Variants in HLCS observed in about 807,000 individuals in gnomAD.
HLCS encodes the protein holocarboxylase synthetase, also known as biotin--protein ligase.
HLCS carries 53 observed loss-of-function variants against 75.0 expected under a neutral mutation model. The ratio of observed to expected loss-of-function variants is 0.71; its 90% CI spans 0.57 to 0.89. The LOEUF (loss-of-function observed/expected upper bound fraction) is 0.89. HLCS is among the 40% of genes least tolerant of loss of function. HLCS has a pLI of 0.00. For synonymous variants in HLCS, 431 were observed against 428.6 expected (o/e 1.01, Z -0.07); for missense variants, 966 against 1,074.0 (o/e 0.90, Z 1.41).
intron 3 of HLCS, among the ~76,000 whole-genome samples, chr21:36,937,774 A>C (rs1019974202): frequency 1.3e-5 from 2 of 152,210 alleles, no homozygotes; most frequent in African/African-American, 2.4e-5. Context: ...AAGGACACAT[A>C]TCTAGAGTCT....
chr21:36,938,031 AAAG>A (rs1204847135), intron 3 of HLCS, among the ~76,000 whole-genome samples: 2 of 152,250 alleles, frequency 1.3e-5, no homozygotes, highest in East Asian at 1.9e-4. Flanking sequence ...CCATCAGATG[AAAG>A]AAGACATTCA....
At chr21:36,958,977 C>T (rs2068124515) in intron 2 of HLCS, among the ~76,000 whole-genome samples, 1 of 152,170 alleles carries the variant, frequency 6.6e-6, no homozygotes, top group African/African-American at 2.4e-5. Flanking sequence ...AGGGTAGGCG[C>T]GGCCAGGGAT....
intron 2 of HLCS, among the ~76,000 whole-genome samples, chr21:36,953,574 T>C (rs62225497): frequency 0.016 from 2,505 of 152,312 alleles, 32 homozygotes; most frequent in Middle Eastern, 0.044. Flanking sequence ...CTACATAATA[T>C]AGTAACTATG....
chr21:36,966,552 C>T lies in HLCS; in HGVS notation c.87G>A (p.Leu29=). ...AGGTGAAGGAACAGCGCGAGGCACGCAGCCGCCGCACCGTGGCGCGCACGA... is the reference window on the plus strand; with the variant it reads ...AGGTGAAGGAACAGCGCGAGGCACGTAGCCGCCGCACCGTGGCGCGCACGA... ...AELVRATVRR[L]RASRCSFTFC... The change falls in exon 1 of 11, where the codon CTG becomes CTA. Residue 29 remains leucine (L), a synonymous_variant. Transcript: ENST00000674895. The T allele has an allele frequency of 1.0e-6, 1 of 1,001,856 alleles. No individual in the cohort carries two copies. The highest frequency in any genetic ancestry group is 1.2e-6 in the Non-Finnish European group (1 of 842,876). The allele number at this position is 1,001,856 out of a possible 1,614,324, so 62.1% of individuals were successfully genotyped here. A position where few individuals can be genotyped will look rare whatever the true frequency, so the allele number is the denominator to read the frequency against.
intron 5 of HLCS, among the ~76,000 whole-genome samples, chr21:36,905,092 C>T (rs889250112): frequency 3.3e-5 from 5 of 152,184 alleles, no homozygotes; most frequent in Non-Finnish European, 5.9e-5. Flanking sequence ...GCACTTATCA[C>T]GACTATACAT....
At chr21:36,971,212 T>G (rs1349144645), upstream of HLCS, among the ~76,000 whole-genome samples, 2 of 152,170 alleles carry the variant, frequency 1.3e-5, no homozygotes, top group African/African-American at 2.4e-5. Flanking sequence ...TGAACTCATG[T>G]CTTTAAGAGG....
At position 36,933,551 on chromosome 21, in the gene HLCS, CAAA is replaced by C. The variant is rs66614497; in HGVS notation, c.1437+2895_1437+2897del. Among the ~76,000 whole-genome samples the C allele has an allele frequency of 8.2e-3, 691 of 84,026 alleles. 8 individuals carry two copies. Among genetic ancestry groups the C allele is most frequent in the African/African-American group, 0.03 (639 of 21,178 alleles). 55.1% of individuals were successfully genotyped at this position (84,026 alleles called of 152,430 possible). On this transcript the variant is annotated intron_variant, in intron 4 of 10. Transcript: ENST00000674895. ...AGGCAGTAAGAATGAAACTCCGTCT[CAAA>C]AAAAAAAAAAAAAAAAAACAATCTG...
chr21:36,807,888 C>T (rs931785469), intron 6 of HLCS, among the ~76,000 whole-genome samples: 2 of 152,100 alleles, frequency 1.3e-5, no homozygotes, highest in Non-Finnish European at 2.9e-5. Flanking sequence ...GGGCACATTG[C>T]ACAACTGTTC....
intron 6 of HLCS, among the ~76,000 whole-genome samples, chr21:36,811,410 G>A (rs1208740339): frequency 6.6e-6 from 1 of 152,180 alleles, no homozygotes; most frequent in Non-Finnish European, 1.5e-5. Context: ...ACCTACTGCA[G>A]GACAGGTGAG....
intron 6 of HLCS, among the ~76,000 whole-genome samples, chr21:36,813,023 C>T (rs2061556570): frequency 6.6e-6 from 1 of 152,194 alleles, no homozygotes; most frequent in African/African-American, 2.4e-5. Flanking sequence ...CATGCCACTA[C>T]ACTTCATCCT....
At chr21:36,906,790 C>T (rs541813240) in intron 5 of HLCS, among the ~76,000 whole-genome samples, 1 of 150,778 alleles carries the variant, frequency 6.6e-6, no homozygotes, top group East Asian at 2.0e-4. Flanking sequence ...TATCTGCTTT[C>T]AAGACTTACT....
chr21:36,977,205 G>A (rs1238903576), intron 1 of HLCS, among the ~76,000 whole-genome samples: 1 of 152,028 alleles, frequency 6.6e-6, no homozygotes, highest in Non-Finnish European at 1.5e-5. Context: ...CCAGCAGAGG[G>A]GAGTGGTCCT....
rs141059072 is a variant in HLCS at position 36,910,270 on chromosome 21, C to T, written c.1621-13139G>A. Reference sequence around the variant, plus strand: ...CAAAAGATGGCACTCCTGGGCCGGGCGCAGTGGCTAATGCCTGTAATCCCG... The same window carrying T: ...CAAAAGATGGCACTCCTGGGCCGGGTGCAGTGGCTAATGCCTGTAATCCCG... On this transcript the variant is annotated intron_variant, in intron 5 of 10. Transcript: ENST00000674895. 3.0e-3 allele frequency among the ~76,000 whole-genome samples: 459 copies of T among 152,296 alleles called. 2 individuals carry two copies. Among genetic ancestry groups the T allele is most frequent in the African/African-American group, 0.011 (441 of 41,572 alleles).
chr21:36,756,629 A>G lies in HLCS; in HGVS notation c.2363T>C (p.Val788Ala). ...TTTGATCAGTTTCTCCAGCACAGTC[A>G]CGACTCTGGCGATGAGATAATCGGC... ...LRADYLIARV[V>A]TVLEKLIKEF... is the part of the protein sequence containing the mutation. Residue 788 changes from valine to alanine, a missense_variant, in exon 10 of 11, where the codon GTG becomes GCG. Val to Ala is a moderately conservative substitution (Grantham distance 64). Coordinates refer to ENST00000674895, the MANE Select transcript of HLCS (RefSeq NM_001352514.2). 1 of 1,614,148 alleles carries G rather than the reference A, an allele frequency of 6.2e-7. No individual in the cohort carries two copies. The highest frequency in any genetic ancestry group is 8.5e-7 in the Non-Finnish European group (1 of 1,180,050).
chr21:36,875,549 T>C (rs564370021), intron 6 of HLCS, among the ~76,000 whole-genome samples: 1 of 152,298 alleles, frequency 6.6e-6, no homozygotes, highest in South Asian at 2.1e-4. Flanking sequence ...TGGGATAACA[T>C]GTCTGCGGAA....
chr21:36,945,277 C>T (rs1261048349), intron 2 of HLCS, among the ~76,000 whole-genome samples: 2 of 150,482 alleles, frequency 1.3e-5, no homozygotes, highest in African/African-American at 4.9e-5. Flanking sequence ...TAAATATATA[C>T]AACTAAAAAA....
intron 5 of HLCS, among the ~76,000 whole-genome samples, chr21:36,903,423 C>G (rs563906673): frequency 6.6e-6 from 1 of 152,276 alleles, no homozygotes; most frequent in African/African-American, 2.4e-5. Context: ...CCCAGGGCAG[C>G]TGGATGTCAC....
intron 6 of HLCS, among the ~76,000 whole-genome samples, chr21:36,814,176 A>G (rs1801262768): frequency 6.6e-6 from 1 of 152,168 alleles, no homozygotes; most frequent in Admixed American, 6.5e-5. Context: ...GTAAGGAGAA[A>G]GACCCTACTG....
At chr21:36,782,964 G>A (rs1422133272) in intron 6 of HLCS, among the ~76,000 whole-genome samples, 1 of 152,100 alleles carries the variant, frequency 6.6e-6, no homozygotes, top group South Asian at 2.1e-4. Flanking sequence ...GCGACAGAGT[G>A]AGACTCTGTC....
Sources: allele counts gnomAD v4.1 joint callset (sites outside exome capture counted in the v4.1 genomes callset), GRCh38; gene constraint gnomAD v4.1.1; transcripts MANE v1.5; gene names NCBI Gene and HGNC (gene_info 2026-07-23, HGNC 2026-07-21).